PPP1R1C: variants seen among roughly 807,000 people sequenced by gnomAD.
The protein encoded by PPP1R1C is protein phosphatase 1 regulatory subunit 1C.
A neutral mutation model predicts 17.4 loss-of-function variants in PPP1R1C; 15 were observed. The ratio of observed to expected loss-of-function variants is 0.86; its 90% CI spans 0.58 to 1.33. The LOEUF is 1.33. PPP1R1C is among the 40% of genes most tolerant of loss of function. The pLI is 0.00. For synonymous variants in PPP1R1C, 35 were observed against 43.1 expected, an observed-to-expected ratio of 0.81 and a Z score of 0.73; for missense variants, 143 against 130.0, an observed-to-expected ratio of 1.10 and a Z score of -0.48.
At chr2:182,080,411 T>A (rs1017558858) in intron 4 of PPP1R1C, among the ~76,000 whole-genome samples, 3 of 152,244 alleles carry the variant, frequency 2.0e-5, no homozygotes, top group Non-Finnish European at 4.4e-5. Flanking sequence ...TTTGTTGCCA[T>A]AACTAATCAA....
intron 4 of PPP1R1C, among the ~76,000 whole-genome samples, chr2:182,081,630 C>T (rs1425494923): frequency 1.3e-5 from 2 of 152,062 alleles, no homozygotes; most frequent in East Asian, 3.9e-4. Context: ...TCAGAGTTAA[C>T]TTACAAATGA....
chr2:182,007,010 A>G (rs1301113361), intron 2 of PPP1R1C, among the ~76,000 whole-genome samples: 1 of 152,136 alleles, frequency 6.6e-6, no homozygotes, highest in Non-Finnish European at 1.5e-5. Context: ...GTTTTTGTTT[A>G]TTTATGCGGA....
chr2:182,020,522 T>C (rs745467621), intron 2 of PPP1R1C, among the ~76,000 whole-genome samples: 5 of 152,220 alleles, frequency 3.3e-5, no homozygotes, highest in Admixed American at 6.5e-5. Context: ...CCCTCACATT[T>C]TGAACACTGT....
chr2:182,086,010 T>A lies in PPP1R1C; in HGVS notation c.241+22219T>A, dbSNP rs182633641. On this transcript the variant is annotated intron_variant, in intron 4 of 4. Transcript: ENST00000682840. ...ATATGTATACTAATCAGATATTAGA[T>A]CTGGAAATATAAATATATTTACAAA... Among the ~76,000 whole-genome samples, 7 of 152,240 alleles carry A rather than the reference T, an allele frequency of 4.6e-5. No homozygotes were observed. In the East Asian group the frequency reaches 1.3e-3, roughly 29 times the overall value.
Position 182,046,668 on chromosome 2 carries a change from G to A in PPP1R1C, c.143-14774G>A, listed in dbSNP as rs192034248. 2.5e-3 allele frequency among the ~76,000 whole-genome samples: 387 copies of A among 151,962 alleles called. 1 individual carries two copies. The highest frequency in any genetic ancestry group is 8.9e-3 in the African/African-American group (367 of 41,446). On this transcript the variant is annotated intron_variant, in intron 2 of 4. Transcript: ENST00000682840. Reference sequence around the variant, plus strand: ...GCAGGAGAATCACTTGAACCCAGGAGGTGGAGGTTGCAGTGAGCCGAGATT... The same window carrying A: ...GCAGGAGAATCACTTGAACCCAGGAAGTGGAGGTTGCAGTGAGCCGAGATT...
At chr2:182,005,606 T>C (rs1194851103) in intron 2 of PPP1R1C, among the ~76,000 whole-genome samples, 1 of 152,216 alleles carries the variant, frequency 6.6e-6, no homozygotes, top group African/African-American at 2.4e-5. Flanking sequence ...TATCTGTAAC[T>C]AGGGGCATCT....
intron 1 of PPP1R1C, among the ~76,000 whole-genome samples, chr2:181,972,504 A>AC (rs1685028670): frequency 6.6e-6 from 1 of 152,154 alleles, no homozygotes; most frequent in African/African-American, 2.4e-5. Flanking sequence ...ACAAAAAAAA[A>AC]ACACAATACA....
chr2:182,085,361 CAT>C (rs1325444826), intron 4 of PPP1R1C, among the ~76,000 whole-genome samples: 3 of 152,044 alleles, frequency 2.0e-5, no homozygotes, highest in South Asian at 2.1e-4. Flanking sequence ...TCTGTATACA[CAT>C]AAACACACAC....
At chr2:182,103,689 A>G (rs952689673) in intron 4 of PPP1R1C, 3 of 152,248 alleles carry the variant, frequency 2.0e-5, no homozygotes, top group African/African-American at 7.2e-5. Flanking sequence ...ACAGTTGCAA[A>G]GCTCAGAGTG....
intron 4 of PPP1R1C, among the ~76,000 whole-genome samples, chr2:182,114,689 C>T (rs1320321804): frequency 6.6e-6 from 1 of 152,102 alleles, no homozygotes; most frequent in Non-Finnish European, 1.5e-5. Flanking sequence ...TGCTGAACAG[C>T]TCTGTGGTAA....
rs1684813163 is a variant in PPP1R1C at position 181,962,285 on chromosome 2, G to T, written n.111+7651G>T. ...TCCTGCCAGACCCCCGGCCATCCCCGCGGCCAGGTCCCCGGACCCCATGCC... is the reference window on the plus strand; with the variant it reads ...TCCTGCCAGACCCCCGGCCATCCCCTCGGCCAGGTCCCCGGACCCCATGCC... On this transcript the variant is annotated intron_variant and non_coding_transcript_variant, in intron 1 of 5. Coordinates refer to the PPP1R1C transcript ENST00000464264. The surrounding 1 kb of genome is among the most constrained non-coding windows in gnomAD (Gnocchi z 6.0). 3 of 747,874 alleles carry T rather than the reference G, an allele frequency of 4.0e-6. No individual in the cohort carries two copies. Among genetic ancestry groups the T allele is most frequent in the Non-Finnish European group, 7.0e-6 (3 of 428,282 alleles). The allele number at this position is 747,874 out of a possible 1,614,324, so 46.3% of individuals were successfully genotyped here. A position where few individuals can be genotyped will look rare whatever the true frequency, so the allele number is the denominator to read the frequency against.
At chr2:182,089,316 T>G (rs1480985824) in intron 4 of PPP1R1C, among the ~76,000 whole-genome samples, 2 of 152,188 alleles carry the variant, frequency 1.3e-5, no homozygotes, top group African/African-American at 4.8e-5. Context: ...CCACCCCTAT[T>G]TAGCAGCAGC....
rs113910224 is a variant in PPP1R1C, at chr2:182,062,030, T to C, written c.180+551T>C. On this transcript the variant is annotated intron_variant, in intron 3 of 4. Transcript: ENST00000682840. ...CATGTGTAGGAGTTTATATAGAAAATAGAAACCAGGAGAGGCCAGGAGAGC... is the reference window on the plus strand; with the variant it reads ...CATGTGTAGGAGTTTATATAGAAAACAGAAACCAGGAGAGGCCAGGAGAGC... Among the ~76,000 whole-genome samples the C allele has an allele frequency of 3.3e-5, 5 of 152,084 alleles. 1 individual carries two copies. The highest frequency in any genetic ancestry group is 1.2e-4 in the African/African-American group (5 of 41,504).
At chr2:182,107,365 T>C (rs574707788) in intron 4 of PPP1R1C, among the ~76,000 whole-genome samples, 19 of 152,202 alleles carry the variant, frequency 1.2e-4, no homozygotes, top group Non-Finnish European at 2.6e-4. Context: ...GATTAAACGT[T>C]GTCCCCATCC....
chr2:182,068,574 T>C (rs1462263174), intron 4 of PPP1R1C, among the ~76,000 whole-genome samples: 1 of 152,214 alleles, frequency 6.6e-6, no homozygotes, highest in African/African-American at 2.4e-5. Flanking sequence ...GTGAAGTTTA[T>C]CTTCAACATT....
At chr2:182,005,731 A>G (rs1472707153) in intron 2 of PPP1R1C, among the ~76,000 whole-genome samples, 1 of 152,300 alleles carries the variant, frequency 6.6e-6, no homozygotes, top group East Asian at 1.9e-4. Flanking sequence ...TTCAGTGCCA[A>G]TCTTAGAAAA....
intron 4 of PPP1R1C, among the ~76,000 whole-genome samples, chr2:182,107,772 T>C (rs1274350090): frequency 1.3e-5 from 2 of 152,126 alleles, no homozygotes. Flanking sequence ...CAGTCTTATC[T>C]AATGAGCTTG....
At chr2:181,989,619 A>G (rs1482502702) in intron 2 of PPP1R1C, among the ~76,000 whole-genome samples, 1 of 152,216 alleles carries the variant, frequency 6.6e-6, no homozygotes, top group Non-Finnish European at 1.5e-5. Flanking sequence ...GTACTTAAAT[A>G]TCCCTGGGAA....
intron 4 of PPP1R1C, among the ~76,000 whole-genome samples, chr2:182,081,279 A>G (rs1210533945): frequency 3.3e-5 from 5 of 152,222 alleles, no homozygotes; most frequent in African/African-American, 1.2e-4. Context: ...GGAACGAGAA[A>G]AAGCACACAG....
Sources: allele counts gnomAD v4.1 joint callset (sites outside exome capture counted in the v4.1 genomes callset), GRCh38; gene constraint gnomAD v4.1.1; non-coding constraint Gnocchi (gnomAD v3.1); transcripts MANE v1.5; gene names NCBI Gene and HGNC (gene_info 2026-07-23, HGNC 2026-07-21).